Variants in CACNA1C observed in about 807,000 individuals in gnomAD.
The protein encoded by CACNA1C is calcium voltage-gated channel subunit alpha1 C.
A neutral mutation model predicts 229.0 loss-of-function variants in CACNA1C; 30 were observed. That is an observed-to-expected ratio of 0.13 (90% confidence interval 0.10 to 0.18). The LOEUF (loss-of-function observed/expected upper bound fraction) is 0.18. Ranked by LOEUF, CACNA1C falls within the 10% of genes least tolerant of loss-of-function variation. The pLI, the probability that CACNA1C is intolerant of heterozygous loss-of-function variation, is 1.00. For missense variants in CACNA1C, 1,658 were observed against 2,845.0 expected (o/e 0.58, Z 9.49); for synonymous variants, 1,114 against 1,132.5 (o/e 0.98, Z 0.33).
chr12:2,036,749 C>G (rs1188207976), intron 1 of CACNA1C, among the ~76,000 whole-genome samples: 1 of 151,916 alleles, frequency 6.6e-6, no homozygotes, highest in Non-Finnish European at 1.5e-5. Flanking sequence ...CAGGCATGAG[C>G]CACGGCGCCC....
chr12:2,391,516 C>T (rs971411432), intron 3 of CACNA1C, among the ~76,000 whole-genome samples: 1 of 151,860 alleles, frequency 6.6e-6, no homozygotes, highest in South Asian at 2.1e-4. Context: ...CAGGGAAGCC[C>T]GGAAGGAAGC....
chr12:2,609,649 G>A (rs1256944515), intron 27 of CACNA1C, among the ~76,000 whole-genome samples: 3 of 151,332 alleles, frequency 2.0e-5, no homozygotes, highest in African/African-American at 7.3e-5. Context: ...TTGGACACCG[G>A]GGCTGAGGGT....
intron 1 of CACNA1C, among the ~76,000 whole-genome samples, chr12:1,977,336 T>C (rs2034721937): frequency 6.6e-6 from 1 of 152,186 alleles, no homozygotes; most frequent in African/African-American, 2.4e-5. Context: ...GGTGTCATTC[T>C]CCGTCTCTAC....
chr12:2,655,882 C>T (rs1379493874), intron 34 of CACNA1C, among the ~76,000 whole-genome samples: 2 of 152,100 alleles, frequency 1.3e-5, no homozygotes, highest in African/African-American at 4.8e-5. Flanking sequence ...AAGCATTTGA[C>T]AAAATTCAAC....
chr12:2,626,788 C>T (rs992081536), intron 29 of CACNA1C, among the ~76,000 whole-genome samples: 2 of 152,164 alleles, frequency 1.3e-5, no homozygotes, highest in African/African-American at 4.8e-5. Flanking sequence ...TTTTCATCTG[C>T]TCTCAGTGGG....
chr12:2,594,018 CCTGCAGCACAAGAAAGGTGT>C, intron 19 of CACNA1C, among the ~76,000 whole-genome samples: 1 of 152,184 alleles, frequency 6.6e-6, no homozygotes, highest in Non-Finnish European at 1.5e-5. Context: ...CAATTTTTGT[CCTGCAGCACAAGAAAGGTGT>C]TATTCCACTG....
intron 28 of CACNA1C, 41 bp from the exon 29 acceptor site, chr12:2,611,862 C>T: frequency 7.6e-7 from 1 of 1,311,658 alleles, no homozygotes; most frequent in East Asian, 2.3e-5. Context: ...GGAGCGACCT[C>T]CCTGCCCCGT....
intron 3 of CACNA1C, among the ~76,000 whole-genome samples, chr12:2,123,905 C>A (rs554504313): frequency 6.6e-6 from 1 of 152,202 alleles, no homozygotes; most frequent in South Asian, 2.1e-4. Flanking sequence ...ATTAAATGAG[C>A]CAAAATATGT....
intron 3 of CACNA1C, among the ~76,000 whole-genome samples, chr12:2,126,346 A>G (rs2090052780): frequency 6.6e-6 from 1 of 152,300 alleles, no homozygotes; most frequent in Non-Finnish European, 1.5e-5. Context: ...CGTTTATAAT[A>G]TAGCAGCTGT....
intron 3 of CACNA1C, among the ~76,000 whole-genome samples, chr12:2,367,067 G>A (rs1211062873): frequency 6.6e-6 from 1 of 152,094 alleles, no homozygotes; most frequent in Non-Finnish European, 1.5e-5. Flanking sequence ...ATTTGGGTGG[G>A]TACACAGAGC....
At chr12:2,523,851 C>T (rs949996622) in intron 9 of CACNA1C, among the ~76,000 whole-genome samples, 2 of 152,156 alleles carry the variant, frequency 1.3e-5, no homozygotes, top group South Asian at 2.1e-4. Context: ...TGCTCAGCCC[C>T]GAAACAGAGC....
In CACNA1C at chr12:2,070,617, ATTG is replaced by A. The variant is rs1484694987; in HGVS notation, c.49+17010_49+17012del. Among the ~76,000 whole-genome samples the A allele has an allele frequency of 1.1e-4, 16 of 152,140 alleles. No homozygotes were observed. The East Asian group carries it at 3.1e-3, about 29-fold the overall frequency. On this transcript the variant is annotated intron_variant, in intron 1 of 46. Coordinates refer to ENST00000399655, the MANE Select transcript of CACNA1C (RefSeq NM_000719.7). ...GATATTCCATTATCTTCTGGATTCT[ATTG>A]TTGCTGATGAGAAGTCTGCTGTCAG...
chr12:2,398,185 G>T (rs1372135359), intron 3 of CACNA1C, among the ~76,000 whole-genome samples: 1 of 152,244 alleles, frequency 6.6e-6, no homozygotes, highest in Non-Finnish European at 1.5e-5. Flanking sequence ...CATTTTCTGA[G>T]TTCCACTGTT....
intron 3 of CACNA1C, chr12:2,218,069 T>C (rs750478409): frequency 3.3e-5 from 5 of 152,254 alleles, no homozygotes; most frequent in Non-Finnish European, 7.3e-5. Context: ...CATGGTGCTG[T>C]GACCTTGGCA....
chr12:2,407,295 T>C (rs1001388724), intron 3 of CACNA1C, among the ~76,000 whole-genome samples: 13 of 151,818 alleles, frequency 8.6e-5, no homozygotes, highest in African/African-American at 3.1e-4. Flanking sequence ...CTGGGGAGCC[T>C]CATCATGACC....
chr12:2,203,101 A>C (rs562847525), intron 3 of CACNA1C, among the ~76,000 whole-genome samples: 1 of 152,180 alleles, frequency 6.6e-6, no homozygotes, highest in African/African-American at 2.4e-5. Flanking sequence ...GGGTGTAGCC[A>C]TGCATACCCT....
intron 3 of CACNA1C, among the ~76,000 whole-genome samples, chr12:2,180,478 T>C (rs2096801447): frequency 6.6e-6 from 1 of 152,174 alleles, no homozygotes. Flanking sequence ...GTGAGTCATT[T>C]TGGGAGCAGA....
At chr12:2,219,933 C>T (rs2154348707) in intron 3 of CACNA1C, among the ~76,000 whole-genome samples, 1 of 152,254 alleles carries the variant, frequency 6.6e-6, no homozygotes, top group Admixed American at 6.5e-5. Flanking sequence ...TTGAAGAGCA[C>T]TCTATGATGT....
At chr12:2,020,057 T>G (rs1449914684) in intron 1 of CACNA1C, 2 of 152,182 alleles carry the variant, frequency 1.3e-5, no homozygotes, top group South Asian at 2.1e-4. Context: ...CTCCTGTGTC[T>G]CTCTTTCCCT....
Sources: gnomAD v4.1 joint callset for allele counts (sites outside exome capture counted in the v4.1 genomes callset) on GRCh38, gnomAD v4.1.1 for gene constraint, MANE v1.5 for transcripts, NCBI Gene and HGNC (gene_info 2026-07-23, HGNC 2026-07-21) for gene names.